The following MFSD8 variants were observed in gnomAD, a reference collection of about 807,000 sequenced individuals.
The protein encoded by MFSD8 is major facilitator superfamily domain-containing protein 8.
In MFSD8, 55 loss-of-function variants were observed where a neutral mutation model predicts 66.4. The observed-to-expected ratio is 0.83, with a 90% CI of 0.67 to 1.04. MFSD8 has a LOEUF of 1.04. Among genes scored for constraint, MFSD8 ranks in the 50% least tolerant of loss-of-function variants. MFSD8 has a pLI of 0.00. For missense variants in MFSD8, 550 were observed against 627.6 expected (o/e 0.88, Z 1.32); for synonymous variants, 202 against 212.8 (o/e 0.95, Z 0.44).
intron 2 of MFSD8, among the ~76,000 whole-genome samples, chr4:127,957,244 G>A (rs969990129): frequency 6.6e-6 from 1 of 152,174 alleles, no homozygotes; most frequent in South Asian, 2.1e-4. Flanking sequence ...GGGCTTGGGG[G>A]ATGGGAAAAT....
At chr4:127,950,509 G>A (rs1054059926) in intron 2 of MFSD8, among the ~76,000 whole-genome samples, 4 of 152,002 alleles carry the variant, frequency 2.6e-5, no homozygotes, top group African/African-American at 9.7e-5. Flanking sequence ...GGCCAACATG[G>A]TGAAACCCTG....
intron 7 of MFSD8, among the ~76,000 whole-genome samples, chr4:127,935,324 T>G (rs780419581): frequency 1.8e-4 from 27 of 152,210 alleles, no homozygotes; most frequent in Admixed American, 3.9e-4. Context: ...CTTCATAATA[T>G]GTGGTTAGTT....
intron 1 of MFSD8, among the ~76,000 whole-genome samples, chr4:127,961,465 A>G (rs1743724933): frequency 6.6e-6 from 1 of 152,098 alleles, no homozygotes; most frequent in African/African-American, 2.4e-5. Flanking sequence ...ACATTTAAAC[A>G]TAACTCAGGG....
intron 7 of MFSD8, among the ~76,000 whole-genome samples, chr4:127,936,835 TTAAAG>T (rs1345749358): frequency 1.3e-5 from 2 of 152,160 alleles, no homozygotes. Flanking sequence ...TCTAAGCACA[TTAAAG>T]TAAATGAAGC....
intron 5 of MFSD8, among the ~76,000 whole-genome samples, chr4:127,941,701 A>T (rs1343126161): frequency 6.6e-6 from 1 of 152,152 alleles, no homozygotes; most frequent in Non-Finnish European, 1.5e-5. Flanking sequence ...ACCTCAGGTG[A>T]TCTGCCTTCC....
rs200001979 is a variant in MFSD8 at position 127,957,549 on chromosome 4, A to G, written c.106T>C (p.Trp36Arg). The G allele has an allele frequency of 1.9e-6, 3 of 1,612,058 alleles. No homozygotes were observed. Among genetic ancestry groups the G allele is most frequent in the Non-Finnish European group, 1.7e-6 (2 of 1,178,440 alleles). ...LETEEHYKSRWRSIRILYLTM... is the reference protein window; with the variant it reads ...LETEEHYKSRRRSIRILYLTM... The stretch of plus-strand genomic sequence containing the variant: ...AGATATAAAATCCTAATAGATCTCC[A>G]TCGGCTCTTATAATGCTCTTCAGTC... Residue 36 changes from tryptophan to arginine, a missense_variant, in exon 2 of 12, where the codon TGG becomes CGG. Physicochemically the swap from Trp to Arg is moderately radical, Grantham distance 101. Coordinates refer to ENST00000641686, the MANE Select transcript of MFSD8 (RefSeq NM_001371596.2).
Position 127,938,739 on chromosome 4 carries a change from C to T in MFSD8, c.754+44G>A, listed in dbSNP as rs373712646. ...CAAACAAACAGAATCATTAGAAACA[C>T]TTTGATAATGTTATATTAATTCAGC... On this transcript the variant is annotated intron_variant, in intron 7 of 11. Coordinates refer to ENST00000641686, the MANE Select transcript of MFSD8 (RefSeq NM_001371596.2). The T allele has an allele frequency of 9.3e-6, 14 of 1,510,094 alleles. No homozygotes were observed. The African/African-American group carries it at 1.8e-4, about 19-fold the overall frequency. 93.5% of individuals were successfully genotyped at this position (1,510,094 alleles called of 1,614,324 possible).
intron 2 of MFSD8, 98 bp from the exon 3 acceptor site, chr4:127,949,945 G>A: frequency 9.0e-7 from 1 of 1,112,424 alleles, no homozygotes; most frequent in Admixed American, 2.1e-5. Context: ...AAAATATTCT[G>A]AACCTAAAAT....
intron 9 of MFSD8, among the ~76,000 whole-genome samples, chr4:127,929,162 T>C (rs1198468928): frequency 7.1e-6 from 1 of 141,014 alleles, no homozygotes; most frequent in African/African-American, 2.6e-5. Flanking sequence ...GTACTAAAAA[T>C]AAAAAAAAAA....
rs769642042 is a variant in MFSD8 at position 127,920,693 on chromosome 4, G to A, written c.1494C>T (p.Leu498=). ...TGAGTCTTTTGTAAACCACTCCCAG[G>A]AGGGTGATGGTGAGCACTATTATTC... ...VCGIIVLTIT[L]LGVVYKRLIA... Residue 498 remains leucine, a synonymous_variant, in exon 12 of 12, where the codon CTC becomes CTT. Coordinates refer to ENST00000641686, the MANE Select transcript of MFSD8 (RefSeq NM_001371596.2). 2 of 1,613,980 alleles carry A rather than the reference G, an allele frequency of 1.2e-6. No individual in the cohort carries two copies. Among genetic ancestry groups the A allele is most frequent in the South Asian group, 2.2e-5 (2 of 91,084 alleles).
In MFSD8 at chr4:127,964,876, C is replaced by A; in HGVS notation, c.62+196G>T. On this transcript the variant is annotated intron_variant, in intron 1 of 11. Transcript: ENST00000641686. ...GTCACTCGAACCCACGGGCTCATCA[C>A]CGCACGGTGCGGCCAGACGCCCTTT... 4.4e-6 allele frequency: 3 copies of A among 686,098 alleles called. No individual in the cohort carries two copies. In the South Asian group the frequency reaches 5.2e-5, roughly 12 times the overall value. 42.5% of individuals were successfully genotyped at this position (686,098 alleles called of 1,614,324 possible).
chr4:127,945,052 C>T (rs1740809475), intron 3 of MFSD8, among the ~76,000 whole-genome samples: 1 of 151,934 alleles, frequency 6.6e-6, no homozygotes, highest in Non-Finnish European at 1.5e-5. Context: ...TGCCTGTAAT[C>T]TCAGCTACTC....
chr4:127,939,764 C>T, intron 6 of MFSD8, 89 bp downstream of exon 6: 1 of 1,444,092 alleles, frequency 6.9e-7, no homozygotes, highest in Non-Finnish European at 9.5e-7. Context: ...ACTACGTACA[C>T]TTCATAAGGA....
In MFSD8 at chr4:127,933,021, A is replaced by C; in HGVS notation, c.827T>G (p.Phe276Cys). 6.2e-7 allele frequency: 1 copy of C among 1,613,822 alleles called. No homozygotes were observed. The highest frequency in any genetic ancestry group is 8.5e-7 in the Non-Finnish European group (1 of 1,179,846). ...QVAVVAINVL[F>C]FVTLFIFALF... ...GGCAAAGATAAATAGAGTCACAAAA[A>C]ACAGAACATTGATGGCCACAACAGC... The change falls in exon 8 of 12, where the codon TTT (phenylalanine) becomes TGT (cysteine). Residue 276 changes from phenylalanine (F) to cysteine (C), a missense_variant. Phe to Cys is a radical substitution (Grantham distance 205, BLOSUM62 -2). Coordinates refer to ENST00000641686, the MANE Select transcript of MFSD8 (RefSeq NM_001371596.2).
At chr4:127,959,876 A>G (rs1352377308) in intron 1 of MFSD8, among the ~76,000 whole-genome samples, 3 of 152,216 alleles carry the variant, frequency 2.0e-5, no homozygotes, top group Non-Finnish European at 4.4e-5. Context: ...CAATCAAGTG[A>G]CCATATTTAT....
At chr4:127,921,371 T>G in intron 11 of MFSD8, 153 bp downstream of exon 11, 1 of 1,262,634 alleles carries the variant, frequency 7.9e-7, no homozygotes, top group South Asian at 1.4e-5. Flanking sequence ...GAATGAACTT[T>G]ATAGAAGTTG....
rs148447537 is a variant in MFSD8, at chr4:127,925,581, G to A, written c.999-3618C>T. Among the ~76,000 whole-genome samples, 1,338 of 152,142 alleles carry A rather than the reference G, an allele frequency of 8.8e-3. 23 individuals carry two copies. The highest frequency in any genetic ancestry group is 0.03 in the African/African-American group (1,238 of 41,510). On this transcript the variant is annotated intron_variant, in intron 9 of 11. Coordinates refer to ENST00000641686, the MANE Select transcript of MFSD8 (RefSeq NM_001371596.2). ...TTAGAGTGGCAATCATTAAAAAGTCGGGGAACAACAGATGCTGGAGAGGAT... is the reference window on the plus strand; with the variant it reads ...TTAGAGTGGCAATCATTAAAAAGTCAGGGAACAACAGATGCTGGAGAGGAT...
chr4:127,957,960 G>A (rs1014237722), intron 1 of MFSD8, among the ~76,000 whole-genome samples: 3 of 152,080 alleles, frequency 2.0e-5, no homozygotes, highest in East Asian at 1.9e-4. Context: ...TAGATCCCCC[G>A]TAGCTACTAA....
At chr4:127,921,357 C>A in intron 11 of MFSD8, 167 bp downstream of exon 11, 1 of 1,147,910 alleles carries the variant, frequency 8.7e-7, no homozygotes, top group Non-Finnish European at 1.2e-6. Flanking sequence ...CATAACCTAC[C>A]CAAGAATGAA....
Sources: gnomAD v4.1 joint callset for allele counts (sites outside exome capture counted in the v4.1 genomes callset) on GRCh38, gnomAD v4.1.1 for gene constraint, MANE v1.5 for transcripts, NCBI Gene and HGNC (gene_info 2026-07-23, HGNC 2026-07-21) for gene names.